POLK: variants seen among roughly 807,000 people sequenced by gnomAD.
The protein encoded by POLK is DNA polymerase kappa.
POLK carries 76 observed loss-of-function variants against 94.0 expected under a neutral mutation model. That is an observed-to-expected ratio of 0.81 (90% CI 0.67 to 0.98). The LOEUF (loss-of-function observed/expected upper bound fraction) is 0.98, where lower values mean the gene tolerates loss of function less well. POLK is among the 50% of genes least tolerant of loss of function. POLK has a pLI of 0.00. For synonymous variants in POLK, 349 were observed against 325.4 expected (o/e 1.07, Z -0.78); for missense variants, 954 against 1,010.1 (o/e 0.94, Z 0.75).
intron 1 of POLK, among the ~76,000 whole-genome samples, chr5:75,524,220 G>A (rs1360093087): frequency 6.6e-6 from 1 of 152,138 alleles, no homozygotes; most frequent in Non-Finnish European, 1.5e-5. Context: ...TAGAGAATAT[G>A]AGAACCTGTT....
intron 1 of POLK, among the ~76,000 whole-genome samples, chr5:75,528,904 G>A: frequency 6.6e-6 from 1 of 152,046 alleles, no homozygotes. Flanking sequence ...TTATCCCTTG[G>A]TATCCATGGG....
At chr5:75,512,676 G>A (rs1768109636) in intron 1 of POLK, 1 of 152,222 alleles carries the variant, frequency 6.6e-6, no homozygotes, top group South Asian at 2.1e-4. Flanking sequence ...CTTTGATTAT[G>A]AGACTTTGAC....
chr5:75,589,487 G>A (rs1200718190), intron 10 of POLK, among the ~76,000 whole-genome samples: 1 of 148,660 alleles, frequency 6.7e-6, no homozygotes, highest in Non-Finnish European at 1.5e-5. Context: ...GTCTCGCTCT[G>A]TCGCCCAGGC....
At chr5:75,602,921 G>T (rs1172378454), downstream of POLK, among the ~76,000 whole-genome samples, 2 of 152,142 alleles carry the variant, frequency 1.3e-5, no homozygotes, top group Non-Finnish European at 2.9e-5. Flanking sequence ...GTTAGCATGG[G>T]ACTTGTGGTA....
At chr5:75,592,432 G>A (rs1226577390) in intron 11 of POLK, among the ~76,000 whole-genome samples, 1 of 152,062 alleles carries the variant, frequency 6.6e-6, no homozygotes, top group Non-Finnish European at 1.5e-5. Context: ...TCAGTTGGGG[G>A]GCCAGGCACG....
chr5:75,564,603 A>G (rs1035787651), intron 3 of POLK, among the ~76,000 whole-genome samples: 11 of 152,158 alleles, frequency 7.2e-5, no homozygotes, highest in African/African-American at 2.7e-4. Context: ...AGAATTCCTC[A>G]GCATTTGCTT....
chr5:75,574,993 A>G (rs3097154), intron 5 of POLK, among the ~76,000 whole-genome samples: 8,462 of 152,306 alleles, frequency 0.056, 724 homozygotes, highest in African/African-American at 0.19. Context: ...AGTGAAAACC[A>G]AAGTGTTTTT....
intron 9 of POLK, among the ~76,000 whole-genome samples, 183 bp from the exon 10 acceptor site, chr5:75,586,843 A>AAT (rs1298226380): frequency 6.6e-6 from 1 of 152,170 alleles, no homozygotes; most frequent in African/African-American, 2.4e-5. Context: ...TAATCATATT[A>AAT]GCATCTTACC....
chr5:75,565,176 A>G (rs1266929193), intron 3 of POLK, among the ~76,000 whole-genome samples: 1 of 152,028 alleles, frequency 6.6e-6, no homozygotes, highest in Admixed American at 6.6e-5. Flanking sequence ...CAATTCAGCT[A>G]TTGATACTTG....
chr5:75,576,840 T>A (rs374340536), exon 6 of POLK: 1 of 1,561,382 alleles, frequency 6.4e-7, no homozygotes, highest in Non-Finnish European at 8.7e-7. Context: ...TGATGAAGCC[T>A]ACTTGAATAT....
At chr5:75,555,853 A>G (rs961206181) in intron 3 of POLK, among the ~76,000 whole-genome samples, 4 of 152,164 alleles carry the variant, frequency 2.6e-5, no homozygotes, top group African/African-American at 9.7e-5. Context: ...AGACAATTGA[A>G]TAATATTCAG....
intron 4 of POLK, among the ~76,000 whole-genome samples, chr5:75,571,240 T>C (rs1771576820): frequency 6.6e-6 from 1 of 152,210 alleles, no homozygotes; most frequent in African/African-American, 2.4e-5. Flanking sequence ...CTTTTTGTCC[T>C]ATTAAACATA....
chr5:75,532,927 G>A (rs1411110885), intron 1 of POLK, among the ~76,000 whole-genome samples: 3 of 152,074 alleles, frequency 2.0e-5, no homozygotes, highest in Non-Finnish European at 4.4e-5. Flanking sequence ...CTTTATAATG[G>A]GGTTATTCTT....
intron 1 of POLK, among the ~76,000 whole-genome samples, chr5:75,531,799 AAAAT>A (rs910414222): frequency 6.6e-6 from 1 of 152,134 alleles, no homozygotes; most frequent in Non-Finnish European, 1.5e-5. Flanking sequence ...CTCAAAAAAA[AAAAT>A]AAGAAAGTAA....
chr5:75,540,369 T>C (rs1375993577), intron 1 of POLK, among the ~76,000 whole-genome samples: 1 of 151,830 alleles, frequency 6.6e-6, no homozygotes, highest in Non-Finnish European at 1.5e-5. Flanking sequence ...TGCAGTGGCA[T>C]AACCGTGGCT....
intron 3 of POLK, among the ~76,000 whole-genome samples, chr5:75,553,382 A>G (rs2112666057): frequency 6.6e-6 from 1 of 152,182 alleles, no homozygotes; most frequent in East Asian, 1.9e-4. Context: ...AATTAGATTA[A>G]TCTAATATGC....
At chr5:75,540,949 G>A in intron 1 of POLK, among the ~76,000 whole-genome samples, 1 of 152,154 alleles carries the variant, frequency 6.6e-6, no homozygotes, top group Non-Finnish European at 1.5e-5. Flanking sequence ...AACCTGGAAG[G>A]CTTTTTATAA....
intron 3 of POLK, among the ~76,000 whole-genome samples, chr5:75,557,393 G>C (rs1770690240): frequency 6.6e-6 from 1 of 152,190 alleles, no homozygotes; most frequent in Non-Finnish European, 1.5e-5. Context: ...GACTAGGATT[G>C]CATTGAGTGT....
At chr5:75,596,507 A>T (rs753653393) in exon 13 of POLK, 3 of 1,614,104 alleles carry the variant, frequency 1.9e-6, no homozygotes, top group South Asian at 1.1e-5. Context: ...TTAAAGAAGA[A>T]GATGAATGAG....
Sources: allele counts gnomAD v4.1 joint callset (sites outside exome capture counted in the v4.1 genomes callset), GRCh38; gene constraint gnomAD v4.1.1; transcripts MANE v1.5; gene names NCBI Gene and HGNC (gene_info 2026-07-23, HGNC 2026-07-21).